Variants in GRAMD1B observed in about 807,000 individuals in gnomAD.
GRAMD1B encodes the protein GRAM domain containing 1B.
In GRAMD1B, 37 loss-of-function variants were observed where a neutral mutation model predicts 99.7. That is an observed-to-expected ratio of 0.37 (90% CI 0.29 to 0.49). The LOEUF (loss-of-function observed/expected upper bound fraction) is 0.49, where lower values mean the gene tolerates loss of function less well. Among genes scored for constraint, GRAMD1B ranks in the 20% least tolerant of loss-of-function variants. GRAMD1B has a pLI of 0.98. For synonymous variants in GRAMD1B, 427 were observed against 387.6 expected (o/e 1.10, Z -1.19); for missense variants, 888 against 1,009.2 (o/e 0.88, Z 1.63).
At chr11:123,497,678 G>A (rs1295472437) in intron 2 of GRAMD1B, among the ~76,000 whole-genome samples, 8 of 152,168 alleles carry the variant, frequency 5.3e-5, no homozygotes, top group African/African-American at 1.7e-4. Flanking sequence ...TGAGGCAGGC[G>A]GATCATGAGG....
At chr11:123,474,621 AG>A (rs760014219) in intron 1 of GRAMD1B, among the ~76,000 whole-genome samples, 55 of 152,380 alleles carry the variant, frequency 3.6e-4, no homozygotes, top group Non-Finnish European at 6.9e-4. Context: ...ACCTCAATCC[AG>A]AAAAACAAAA....
intron 2 of GRAMD1B, among the ~76,000 whole-genome samples, chr11:123,534,736 G>T (rs1402533394): frequency 1.3e-5 from 2 of 152,080 alleles, no homozygotes; most frequent in Non-Finnish European, 2.9e-5. Context: ...ATGGTGGCAG[G>T]CGCCTGTAAT....
At chr11:123,481,033 C>T in intron 2 of GRAMD1B, 140 bp downstream of exon 2, 1 of 395,800 alleles carries the variant, frequency 2.5e-6, no homozygotes, top group Non-Finnish European at 4.4e-6. Context: ...GACCTCTGTG[C>T]TTGACTGATT....
At position 123,613,216 on chromosome 11, in the gene GRAMD1B, G is replaced by T. The variant is rs564620327; in HGVS notation, c.2024-239G>T. The T allele has an allele frequency of 1.4e-4, 81 of 572,200 alleles. No homozygotes were observed. The Middle Eastern group carries it at 2.8e-3, about 20-fold the overall frequency. 35.4% of individuals were successfully genotyped at this position (572,200 alleles called of 1,614,324 possible). On this transcript the variant is annotated intron_variant, in intron 15 of 19. Transcript: ENST00000635736. ...ATTTAAGACGTGTATGCCCCAAATT[G>T]TATACATGAGGGTGCAGATATTGGG...
intron 2 of GRAMD1B, among the ~76,000 whole-genome samples, chr11:123,511,101 T>C (rs1342440179): frequency 9.9e-5 from 15 of 151,760 alleles, no homozygotes; most frequent in Non-Finnish European, 2.9e-5. Flanking sequence ...GTCTTCTTCC[T>C]CTGCTTCTTC....
chr11:123,467,571 T>G (rs1218097693), intron 1 of GRAMD1B, among the ~76,000 whole-genome samples: 1 of 152,104 alleles, frequency 6.6e-6, no homozygotes, highest in African/African-American at 2.4e-5. Flanking sequence ...AGAGGAGCCC[T>G]GGCATTAGGA....
At chr11:123,485,963 G>A (rs1236518607) in intron 2 of GRAMD1B, among the ~76,000 whole-genome samples, 1 of 152,102 alleles carries the variant, frequency 6.6e-6, no homozygotes, top group African/African-American at 2.4e-5. Flanking sequence ...CAATCCACCT[G>A]CCTCTGTCTC....
intron 2 of GRAMD1B, among the ~76,000 whole-genome samples, chr11:123,494,742 T>G (rs1223808465): frequency 6.6e-6 from 1 of 152,154 alleles, no homozygotes; most frequent in African/African-American, 2.4e-5. Flanking sequence ...ATGGTAATTT[T>G]TATTCCCCAG....
At chr11:123,443,951 G>GAA (rs1214551855) in intron 1 of GRAMD1B, among the ~76,000 whole-genome samples, 1 of 151,918 alleles carries the variant, frequency 6.6e-6, no homozygotes, top group Non-Finnish European at 1.5e-5. Flanking sequence ...GGAATCAGTA[G>GAA]AAAAGAGTGT....
At chr11:123,574,824 G>C (rs1592081166) in intron 2 of GRAMD1B, among the ~76,000 whole-genome samples, 1 of 152,290 alleles carries the variant, frequency 6.6e-6, no homozygotes, top group African/African-American at 2.4e-5. Flanking sequence ...GTTAGAGAAA[G>C]CTGGAGACGG....
chr11:123,562,107 C>G (rs890784221), intron 2 of GRAMD1B, among the ~76,000 whole-genome samples: 1 of 152,110 alleles, frequency 6.6e-6, no homozygotes, highest in Admixed American at 6.5e-5. Flanking sequence ...CCCAGCACTT[C>G]GGGATCTGAG....
chr11:123,470,554 C>T lies in GRAMD1B; in HGVS notation c.375-10262C>T, dbSNP rs149400649. On this transcript the variant is annotated intron_variant, in intron 1 of 19. Coordinates refer to ENST00000635736, the MANE Select transcript of GRAMD1B (RefSeq NM_001387025.1). Reference sequence around the variant, plus strand: ...TTTGAGGCGGGGTCTCACTCTGTCACCCAGGCTGGAGTGCAGTGGCACGAT... The same window carrying T: ...TTTGAGGCGGGGTCTCACTCTGTCATCCAGGCTGGAGTGCAGTGGCACGAT... 7.5e-3 allele frequency among the ~76,000 whole-genome samples: 1,112 copies of T among 149,022 alleles called. 14 individuals carry two copies. Among genetic ancestry groups the T allele is most frequent in the African/African-American group, 0.026 (1,057 of 40,372 alleles).
chr11:123,595,537 G>A (rs1244237016), intron 6 of GRAMD1B, among the ~76,000 whole-genome samples: 1 of 152,090 alleles, frequency 6.6e-6, no homozygotes, highest in East Asian at 1.9e-4. Flanking sequence ...CAGGTGATCC[G>A]CCCGCCTCCG....
At chr11:123,498,888 G>A (rs1333946699) in intron 2 of GRAMD1B, among the ~76,000 whole-genome samples, 1 of 152,218 alleles carries the variant, frequency 6.6e-6, no homozygotes, top group Admixed American at 6.5e-5. Flanking sequence ...CTTGGACCAT[G>A]CTTTGAGAAA....
At chr11:123,509,266 A>G (rs1370069600) in intron 2 of GRAMD1B, among the ~76,000 whole-genome samples, 1 of 152,072 alleles carries the variant, frequency 6.6e-6, no homozygotes, top group Non-Finnish European at 1.5e-5. Context: ...GGTCCTACTC[A>G]CTTGTAGCCT....
chr11:123,464,389 G>T (rs1056487518), intron 1 of GRAMD1B, among the ~76,000 whole-genome samples: 2 of 152,128 alleles, frequency 1.3e-5, no homozygotes, highest in Non-Finnish European at 2.9e-5. Context: ...ACTTGTAGAC[G>T]CCGATTGTGC....
At chr11:123,521,029 T>C (rs1452891726) in intron 2 of GRAMD1B, among the ~76,000 whole-genome samples, 1 of 152,170 alleles carries the variant, frequency 6.6e-6, no homozygotes, top group Non-Finnish European at 1.5e-5. Context: ...GCTTTTGCTG[T>C]TACATGGAGT....
intron 1 of GRAMD1B, among the ~76,000 whole-genome samples, chr11:123,416,083 T>C (rs764657190): frequency 6.6e-6 from 1 of 152,206 alleles, no homozygotes; most frequent in Non-Finnish European, 1.5e-5. Flanking sequence ...CTATAATGTA[T>C]AGCTTAATAC....
chr11:123,566,186 G>C (rs1565382346), intron 2 of GRAMD1B, among the ~76,000 whole-genome samples: 1 of 152,148 alleles, frequency 6.6e-6, no homozygotes, highest in East Asian at 1.9e-4. Context: ...AGGAAAATAG[G>C]TTGTGATCGT....
Sources: allele counts gnomAD v4.1 joint callset (sites outside exome capture counted in the v4.1 genomes callset), GRCh38; gene constraint gnomAD v4.1.1; transcripts MANE v1.5; gene names NCBI Gene and HGNC (gene_info 2026-07-23, HGNC 2026-07-21).